Variants in PDSS2 observed in about 807,000 individuals in gnomAD.
PDSS2 encodes the protein all trans-polyprenyl-diphosphate synthase PDSS2.
Under a neutral mutation model 44.5 loss-of-function variants are expected in PDSS2, and 31 were observed. The observed-to-expected ratio is 0.70, with a 90% confidence interval of 0.52 to 0.94. The LOEUF (loss-of-function observed/expected upper bound fraction) is 0.94. Among genes scored for constraint, PDSS2 ranks in the 40% least tolerant of loss-of-function variants. PDSS2 has a pLI of 0.00. For missense variants in PDSS2, 452 were observed against 482.2 expected (o/e 0.94, Z 0.59); for synonymous variants, 157 against 180.3 (o/e 0.87, Z 1.03).
chr6:107,162,234 A>T (rs1399748413), intron 7 of PDSS2, among the ~76,000 whole-genome samples: 1 of 152,126 alleles, frequency 6.6e-6, no homozygotes, highest in Non-Finnish European at 1.5e-5. Flanking sequence ...GCAGTGGCTC[A>T]CGCCTGTAAT....
At chr6:107,228,421 C>T (rs573407037) in intron 4 of PDSS2, among the ~76,000 whole-genome samples, 5 of 152,236 alleles carry the variant, frequency 3.3e-5, no homozygotes, top group African/African-American at 1.2e-4. Context: ...AGGCCAGGCG[C>T]GGCGGCTCAC....
At chr6:107,187,873 A>G (rs1343194562) in intron 7 of PDSS2, among the ~76,000 whole-genome samples, 2 of 152,220 alleles carry the variant, frequency 1.3e-5, no homozygotes, top group Non-Finnish European at 2.9e-5. Context: ...TAGATCTTTT[A>G]CATGCTAGTG....
rs191728159 is a variant in PDSS2, at chr6:107,325,335, C to T, written c.431+8863G>A. 7.0e-3 allele frequency among the ~76,000 whole-genome samples: 1,070 copies of T among 152,222 alleles called. 8 individuals carry two copies. The highest frequency in any genetic ancestry group is 0.011 in the Non-Finnish European group (742 of 68,014). ...TTCTTGACTTACAATGGGGTTATGT[C>T]CTGATAAATCCATTTAAAAGTCAGA... is the stretch of plus-strand genomic sequence containing the variant. On this transcript the variant is annotated intron_variant, in intron 2 of 7. Transcript: ENST00000369037.
intron 2 of PDSS2, among the ~76,000 whole-genome samples, chr6:107,301,164 G>A (rs1046067075): frequency 7.2e-5 from 11 of 152,066 alleles, no homozygotes; most frequent in Admixed American, 2.0e-4. Flanking sequence ...TGTGATTCGC[G>A]GACTTTTTCA....
At chr6:107,437,442 T>C (rs1261117302) in intron 1 of PDSS2, among the ~76,000 whole-genome samples, 2 of 150,776 alleles carry the variant, frequency 1.3e-5, no homozygotes, top group African/African-American at 2.5e-5. Flanking sequence ...CAAGAATTGC[T>C]TGAGCCTGAG....
chr6:107,359,007 C>CTCTT (rs1778676162), intron 1 of PDSS2, among the ~76,000 whole-genome samples: 13 of 93,060 alleles, frequency 1.4e-4, no homozygotes, highest in African/African-American at 2.5e-4. Context: ...CATTCTCGCT[C>CTCTT]TTTTTTTTTT....
At chr6:107,212,427 C>T (rs564376037) in intron 4 of PDSS2, 145 bp from the exon 5 acceptor site, 2 of 645,524 alleles carry the variant, frequency 3.1e-6, no homozygotes, top group African/African-American at 1.8e-5. Context: ...GATGCCTAAC[C>T]TCAGCTCTAC....
intron 1 of PDSS2, among the ~76,000 whole-genome samples, chr6:107,367,742 G>A (rs1176689547): frequency 2.7e-5 from 4 of 147,210 alleles, no homozygotes; most frequent in South Asian, 2.1e-4. Context: ...GCTGGAGGTT[G>A]CAGTGAGCTG....
At chr6:107,210,643 G>T in intron 5 of PDSS2, 73 bp from the exon 6 acceptor site, 2 of 1,013,866 alleles carry the variant, frequency 2.0e-6, no homozygotes, top group Non-Finnish European at 1.6e-6. Context: ...TATTCAGAAA[G>T]TACCAGTTAA....
rs1379896509 is a variant in PDSS2 at position 107,153,194 on chromosome 6, T to C, written c.*1425A>G. 1 of 152,638 alleles carries C rather than the reference T, an allele frequency of 6.6e-6. No homozygotes were observed. Among genetic ancestry groups the C allele is most frequent in the African/African-American group, 2.4e-5 (1 of 41,452 alleles). The allele number at this position is 152,638 out of a possible 1,614,324, so 9.5% of individuals were successfully genotyped here. A position where few individuals can be genotyped will look rare whatever the true frequency, so the allele number is the denominator to read the frequency against. On this transcript the variant is annotated 3_prime_UTR_variant, in exon 8 of 8. Transcript: ENST00000369037. ...AAATCTGTTTGCTGTATTCGCTGTC[T>C]CCAGATAGGGCTGTAATTACACCAC...
rs753806698 is a variant in PDSS2, at chr6:107,274,037, T to C, written c.622A>G (p.Asn208Asp). 1 of 1,613,910 alleles carries C rather than the reference T, an allele frequency of 6.2e-7. No homozygotes were observed. Among genetic ancestry groups the C allele is most frequent in the South Asian group, 1.1e-5 (1 of 91,074 alleles). Residue 208 changes from asparagine (N) to aspartate (D), a missense_variant, in exon 3 of 8, where the codon AAC becomes GAC. Coordinates refer to ENST00000369037, the MANE Select transcript of PDSS2 (RefSeq NM_020381.4). ...ACCCTGCCCAATTTTACCTTGGTGT[T>C]CTGTAGCAGAGCTAGTCCATTGCAG... is the stretch of plus-strand genomic sequence containing the variant. ...NACNGLALLQ[N>D]TKVVELLASA...
At chr6:107,329,914 T>C (rs553496317) in intron 2 of PDSS2, among the ~76,000 whole-genome samples, 92 of 151,566 alleles carry the variant, frequency 6.1e-4, no homozygotes, top group Non-Finnish European at 1.1e-3. Context: ...GGCAGGAGAA[T>C]TGCTTGAAAC....
chr6:107,163,152 CCTCTATGAG>C (rs1771209436), intron 7 of PDSS2, among the ~76,000 whole-genome samples: 1 of 152,084 alleles, frequency 6.6e-6, no homozygotes, highest in African/African-American at 2.4e-5. Flanking sequence ...TTAGTTTGTT[CCTCTATGAG>C]CTTTATTCAG....
intron 7 of PDSS2, among the ~76,000 whole-genome samples, chr6:107,170,383 C>T (rs552660797): frequency 3.7e-4 from 57 of 152,274 alleles, no homozygotes; most frequent in African/African-American, 1.2e-3. Context: ...GTCACAGCTT[C>T]GCTTGGCTCG....
intron 2 of PDSS2, among the ~76,000 whole-genome samples, chr6:107,325,911 C>T (rs866034527): frequency 2.6e-4 from 39 of 152,092 alleles, no homozygotes; most frequent in African/African-American, 9.4e-4. Context: ...ATGTGTTAAT[C>T]TTTTCATTTA....
chr6:107,290,277 C>T (rs1378451809), intron 2 of PDSS2, among the ~76,000 whole-genome samples: 9 of 152,126 alleles, frequency 5.9e-5, no homozygotes, highest in East Asian at 1.9e-4. Context: ...GGGAGTGATA[C>T]AAAATAATCT....
At chr6:107,180,670 C>A (rs752449658) in intron 7 of PDSS2, among the ~76,000 whole-genome samples, 1 of 152,076 alleles carries the variant, frequency 6.6e-6, no homozygotes, top group African/African-American at 2.4e-5. Context: ...TCTTCATCAA[C>A]GATCTAAGCC....
In PDSS2 at chr6:107,391,228, G is replaced by A. The variant is rs1779770028; in HGVS notation, c.297-56896C>T. ...TCTTAAGATCAGTGGTGAACCAGGA[G>A]GCCCACAACACTGTATCTACAGCTC... On this transcript the variant is annotated intron_variant, in intron 1 of 7. Coordinates refer to ENST00000369037, the MANE Select transcript of PDSS2 (RefSeq NM_020381.4). Among the ~76,000 whole-genome samples the A allele has an allele frequency of 2.6e-5, 4 of 152,026 alleles. No homozygotes were observed. The South Asian group carries it at 8.3e-4, about 32-fold the overall frequency.
chr6:107,296,296 A>C (rs764758243), intron 2 of PDSS2, among the ~76,000 whole-genome samples: 2 of 152,218 alleles, frequency 1.3e-5, no homozygotes, highest in Non-Finnish European at 2.9e-5. Context: ...CGTGTATGAC[A>C]GAGCTGGCAT....
Sources: gnomAD v4.1 joint callset for allele counts (sites outside exome capture counted in the v4.1 genomes callset) on GRCh38, gnomAD v4.1.1 for gene constraint, MANE v1.5 for transcripts, NCBI Gene and HGNC (gene_info 2026-07-23, HGNC 2026-07-21) for gene names.